Variants in EFCAB14 observed in about 807,000 individuals in gnomAD.
The protein encoded by EFCAB14 is EF-hand calcium-binding domain-containing protein 14.
EFCAB14 carries 43 observed loss-of-function variants against 56.5 expected under a neutral mutation model. The ratio of observed to expected loss-of-function variants is 0.76; its 90% CI spans 0.60 to 0.98. EFCAB14 has a LOEUF of 0.98. Among genes scored for constraint, EFCAB14 ranks in the 50% least tolerant of loss-of-function variants. The pLI, the probability that EFCAB14 is intolerant of heterozygous loss-of-function variation, is 0.00. For missense variants in EFCAB14, 538 were observed against 580.3 expected, an observed-to-expected ratio of 0.93 and a Z score of 0.75; for synonymous variants, 235 against 212.9, an observed-to-expected ratio of 1.10 and a Z score of -0.90.
intron 2 of EFCAB14, among the ~76,000 whole-genome samples, chr1:46,715,359 T>C (rs1384720029): frequency 6.6e-6 from 1 of 152,188 alleles, no homozygotes; most frequent in South Asian, 2.1e-4. Flanking sequence ...TCATACTTAA[T>C]CACTGAACAA....
At chr1:46,715,779 T>C (rs1010785750) in intron 2 of EFCAB14, among the ~76,000 whole-genome samples, 1 of 152,114 alleles carries the variant, frequency 6.6e-6, no homozygotes, top group African/African-American at 2.4e-5. Flanking sequence ...CACTGCCTTT[T>C]ATTTGTGAGT....
chr1:46,679,599 G>GTTT lies in EFCAB14; in HGVS notation c.1313-966_1313-964dup, dbSNP rs60875639. 4.5e-3 allele frequency among the ~76,000 whole-genome samples: 166 copies of GTTT among 36,518 alleles called. 49 individuals are homozygous for GTTT. The highest frequency in any genetic ancestry group is 9.6e-3 in the East Asian group (11 of 1,150). 24.0% of individuals were successfully genotyped at this position (36,518 alleles called of 152,430 possible). On this transcript the variant is annotated intron_variant, in intron 10 of 10. Transcript: ENST00000371933. The stretch of plus-strand genomic sequence containing the variant: ...ATTATAGGCGTGAACCACCACGCCT[G>GTTT]TTTTTTTTTTTTTTTTTTTTTTTTT...
Position 46,707,983 on chromosome 1 carries a change from T to G in EFCAB14, c.403A>C (p.Lys135Gln). The part of the protein sequence containing the change: ...KLNEELLSKQ[K>Q]QLEKIESGEM... Reference sequence around the variant, plus strand: ...CCAGATTCAATCTTCTCAAGTTGTTTTTGCTTGCTGAGTAGTTCTTCATTA... The same window carrying G: ...CCAGATTCAATCTTCTCAAGTTGTTGTTGCTTGCTGAGTAGTTCTTCATTA... Residue 135 changes from lysine to glutamine, a missense_variant, in exon 3 of 11, where the codon AAA (lysine) becomes CAA (glutamine). Lys to Gln is a moderately conservative substitution (Grantham distance 53). Transcript: ENST00000371933. 1 of 1,613,040 alleles carries G rather than the reference T, an allele frequency of 6.2e-7. No individual in the cohort carries two copies. The highest frequency in any genetic ancestry group is 8.5e-7 in the Non-Finnish European group (1 of 1,179,764).
intron 7 of EFCAB14, 67 bp downstream of exon 7, chr1:46,688,286 G>A: frequency 2.0e-6 from 3 of 1,469,134 alleles, no homozygotes; most frequent in Non-Finnish European, 2.8e-6. Context: ...TTCTCAAAAG[G>A]TGGTAGAATG....
intron 2 of EFCAB14, among the ~76,000 whole-genome samples, chr1:46,709,056 G>T (rs1031091479): frequency 4.0e-5 from 6 of 151,384 alleles, no homozygotes; most frequent in African/African-American, 1.2e-4. Flanking sequence ...TAAGCTCCAA[G>T]ACTATTTTGT....
chr1:46,694,423 C>T (rs868287153), intron 4 of EFCAB14, among the ~76,000 whole-genome samples: 4 of 152,068 alleles, frequency 2.6e-5, no homozygotes, highest in South Asian at 2.1e-4. Context: ...GTGAAGGATA[C>T]GAACAGACAC....
chr1:46,700,592 A>C (rs927224913), intron 3 of EFCAB14, among the ~76,000 whole-genome samples: 1 of 152,240 alleles, frequency 6.6e-6, no homozygotes, highest in African/African-American at 2.4e-5. Context: ...AAATTAGAGA[A>C]GACTTGTAAG....
In EFCAB14 at chr1:46,718,326, G is replaced by T; in HGVS notation, c.-239C>A. 1 of 478,456 alleles carries T rather than the reference G, an allele frequency of 2.1e-6. No homozygotes were observed. The highest frequency in any genetic ancestry group is 3.8e-6 in the Non-Finnish European group (1 of 264,448). 29.6% of individuals were successfully genotyped at this position (478,456 alleles called of 1,614,324 possible). A position where few individuals can be genotyped will look rare whatever the true frequency, so the allele number is the denominator to read the frequency against. On this transcript the variant is annotated 5_prime_UTR_variant, in exon 1 of 11. Transcript: ENST00000371933. ...ATCACATAGAAATGGCCAAGGAGCT[G>T]GTGACCCCAAAGGATAAGGCCTTGG...
intron 5 of EFCAB14, among the ~76,000 whole-genome samples, chr1:46,690,625 C>A (rs576890679): frequency 6.6e-6 from 1 of 152,126 alleles, no homozygotes; most frequent in Non-Finnish European, 1.5e-5. Flanking sequence ...AGAGCATAAT[C>A]AAGATATTAA....
At chr1:46,688,328 T>C (rs1237537703) in intron 7 of EFCAB14, 25 bp downstream of exon 7, 5 of 1,606,920 alleles carry the variant, frequency 3.1e-6, no homozygotes, top group South Asian at 1.1e-5. Flanking sequence ...ACACTGCATG[T>C]CACAAAAGAT....
At chr1:46,716,508 T>C in intron 1 of EFCAB14, 65 bp from the exon 2 acceptor site, 2 of 1,563,390 alleles carry the variant, frequency 1.3e-6, no homozygotes, top group Non-Finnish European at 1.8e-6. Context: ...TTATTAGCAA[T>C]AGTACACGTT....
At chr1:46,702,167 T>C (rs1044921177) in intron 3 of EFCAB14, among the ~76,000 whole-genome samples, 1 of 152,220 alleles carries the variant, frequency 6.6e-6, no homozygotes, top group African/African-American at 2.4e-5. Context: ...TTACATGACT[T>C]TTCATTAGAA....
chr1:46,718,474 G>A lies in EFCAB14; in HGVS notation c.-387C>T. On this transcript the variant is annotated 5_prime_UTR_variant, in exon 1 of 11. Transcript: ENST00000371933. ...AGGCAATACTTCTAAGGGTGCTCCA[G>A]GAGGTGAGGAAGGGCACGCTTAAAA... 1 of 158,712 alleles carries A rather than the reference G, an allele frequency of 6.3e-6. No homozygotes were observed. The highest frequency in any genetic ancestry group is 1.8e-4 in the East Asian group (1 of 5,432). The allele number at this position is 158,712 out of a possible 1,614,324, so 9.8% of individuals were successfully genotyped here. A position where few individuals can be genotyped will look rare whatever the true frequency, so the allele number is the denominator to read the frequency against.
rs762948803 is a variant in EFCAB14 at position 46,683,334 on chromosome 1, T to A, written c.1278A>T (p.Arg426Ser). 1 of 1,613,928 alleles carries A rather than the reference T, an allele frequency of 6.2e-7. No individual in the cohort carries two copies. The highest frequency in any genetic ancestry group is 8.5e-7 in the Non-Finnish European group (1 of 1,179,996). The change falls in exon 10 of 11, where the codon AGA becomes AGT. Residue 426 changes from arginine to serine, a missense_variant. Arg to Ser is a moderately radical substitution (Grantham distance 110, BLOSUM62 -1). Coordinates refer to ENST00000371933, the MANE Select transcript of EFCAB14 (RefSeq NM_014774.3). ...GDPVEKAAQL[R>S]PISLPGVSST... ...TAGAAACTCCTGGTAGGGAGATAGGTCTTAGTTGGGCAGCTTTCTCAACTG... is the reference window on the plus strand; with the variant it reads ...TAGAAACTCCTGGTAGGGAGATAGGACTTAGTTGGGCAGCTTTCTCAACTG...
chr1:46,686,864 C>T lies in EFCAB14; in HGVS notation c.994G>A (p.Asp332Asn), dbSNP rs1244518619. 6.2e-7 allele frequency: 1 copy of T among 1,613,646 alleles called. No homozygotes were observed. Among genetic ancestry groups the T allele is most frequent in the Admixed American group, 1.7e-5 (1 of 59,956 alleles). The change falls in exon 8 of 11, where the codon GAT (aspartate) becomes AAT (asparagine). Residue 332 changes from aspartate (D) to asparagine (N), a missense_variant. Coordinates refer to ENST00000371933, the MANE Select transcript of EFCAB14 (RefSeq NM_014774.3). ...TGTCTTTTCAGAGTGGCAGATCTAT[C>T]ACCCATCTTAAAGGGCAAAACAAAA... ...KANLSFSMMGDRSATLKRQSL... is the reference protein window; with the variant it reads ...KANLSFSMMGNRSATLKRQSL...
intron 3 of EFCAB14, among the ~76,000 whole-genome samples, chr1:46,700,272 G>T (rs1448096711): frequency 6.6e-6 from 1 of 152,146 alleles, no homozygotes; most frequent in Non-Finnish European, 1.5e-5. Flanking sequence ...ATAGTACCTG[G>T]TACAGATGAA....
intron 8 of EFCAB14, among the ~76,000 whole-genome samples, chr1:46,685,711 A>C (rs1430725204): frequency 6.6e-6 from 1 of 152,230 alleles, no homozygotes; most frequent in African/African-American, 2.4e-5. Context: ...TCTGATATTT[A>C]TTGTTAAAAT....
intron 6 of EFCAB14, among the ~76,000 whole-genome samples, chr1:46,689,144 TC>T (rs557680913): frequency 8.5e-5 from 13 of 152,128 alleles, no homozygotes; most frequent in African/African-American, 3.1e-4. Context: ...AAGTCTTTTT[TC>T]CCCCTCTTGC....
chr1:46,714,786 A>G (rs1446702203), intron 2 of EFCAB14, among the ~76,000 whole-genome samples: 1 of 151,508 alleles, frequency 6.6e-6, no homozygotes, highest in African/African-American at 2.4e-5. Context: ...TGACAGAGCA[A>G]GCAAGACCTT....
Sources: gnomAD v4.1 joint callset for allele counts (sites outside exome capture counted in the v4.1 genomes callset) on GRCh38, gnomAD v4.1.1 for gene constraint, MANE v1.5 for transcripts, NCBI Gene and HGNC (gene_info 2026-07-23, HGNC 2026-07-21) for gene names.